Variants in ARHGAP32 observed in about 807,000 individuals in gnomAD.
ARHGAP32 encodes Rho GTPase activating protein 32.
In ARHGAP32, 51 loss-of-function variants were observed where a neutral mutation model predicts 186.5. That is an observed-to-expected ratio of 0.27 (90% CI 0.22 to 0.35). The LOEUF (loss-of-function observed/expected upper bound fraction) is 0.35. ARHGAP32 is among the 10% of genes least tolerant of loss of function. ARHGAP32 has a pLI of 1.00. For missense variants in ARHGAP32, 2,186 were observed against 2,623.5 expected, an observed-to-expected ratio of 0.83 and a Z score of 3.64; for synonymous variants, 950 against 964.3, an observed-to-expected ratio of 0.99 and a Z score of 0.27.
At chr11:129,258,382 G>A (rs936994741) in intron 1 of ARHGAP32, among the ~76,000 whole-genome samples, 10 of 152,126 alleles carry the variant, frequency 6.6e-5, no homozygotes, top group East Asian at 1.9e-4. Flanking sequence ...TGCAGACCCC[G>A]GTGTTCTGAT....
intron 10 of ARHGAP32, among the ~76,000 whole-genome samples, chr11:129,056,813 A>C (rs761304726): frequency 2.6e-5 from 4 of 152,176 alleles, no homozygotes; most frequent in Non-Finnish European, 5.9e-5. Context: ...GTGTTGCAGC[A>C]GCGCTCAAGA....
In ARHGAP32 at chr11:128,970,251, G is replaced by A. The variant is rs1249288621; in HGVS notation, c.4962C>T (p.Tyr1654=). 1 of 1,614,204 alleles carries A rather than the reference G, an allele frequency of 6.2e-7. No homozygotes were observed. The highest frequency in any genetic ancestry group is 1.7e-5 in the Admixed American group (1 of 60,028). Residue 1654 remains tyrosine (Y), a synonymous_variant, in exon 23 of 23, where the codon TAC becomes TAT. Coordinates refer to ENST00000682385, the MANE Select transcript of ARHGAP32 (RefSeq NM_001378024.1). This position sits in a 1 kb window ranked among gnomAD's most constrained non-coding sequence, Gnocchi z 5.8. The part of the protein sequence containing the change: ...SDYHVTQLQP[Y]FENGRVHYRY... ...TGTAGTGGACCCGGCCATTCTCAAA[G>A]TAAGGCTGAAGCTGAGTGACATGAT...
chr11:129,040,544 G>A lies in ARHGAP32; in HGVS notation c.1045+384C>T, dbSNP rs184708028. On this transcript the variant is annotated intron_variant, in intron 11 of 22. Transcript: ENST00000682385. ...AAATGCTGTTTAAAATAGTTTTGAT[G>A]TTCATATGCCCTGTTAAAATATACT... Among the ~76,000 whole-genome samples the A allele has an allele frequency of 1.1e-4, 16 of 152,234 alleles. No homozygotes were observed. In the East Asian group the frequency reaches 2.9e-3, roughly 28 times the overall value.
chr11:129,259,089 A>G (rs1254100902), intron 1 of ARHGAP32, among the ~76,000 whole-genome samples: 1 of 152,218 alleles, frequency 6.6e-6, no homozygotes, highest in African/African-American at 2.4e-5. Context: ...TACTGATGGG[A>G]AAAAGGAACC....
chr11:129,185,222 A>C (rs1944134281), intron 1 of ARHGAP32, among the ~76,000 whole-genome samples: 1 of 152,226 alleles, frequency 6.6e-6, no homozygotes, highest in African/African-American at 2.4e-5. Context: ...ACAATGATAT[A>C]CTGGATTAAG....
chr11:129,155,108 G>A (rs867705274), intron 2 of ARHGAP32, among the ~76,000 whole-genome samples: 2 of 152,258 alleles, frequency 1.3e-5, no homozygotes, highest in African/African-American at 4.8e-5. Flanking sequence ...ACACTCATTT[G>A]TTATGTATTA....
At chr11:129,062,433 C>A (rs1335093946) in intron 9 of ARHGAP32, 76 bp from the exon 10 acceptor site, 2 of 1,254,360 alleles carry the variant, frequency 1.6e-6, no homozygotes, top group African/African-American at 1.5e-5. Context: ...AATTTAAATC[C>A]GAACTGTATG....
In ARHGAP32 at chr11:128,973,142, G is replaced by A; in HGVS notation, c.3364C>T (p.His1122Tyr). 2 of 1,614,180 alleles carry A rather than the reference G, an allele frequency of 1.2e-6. No homozygotes were observed. Among genetic ancestry groups the A allele is most frequent in the Non-Finnish European group, 1.7e-6 (2 of 1,180,036 alleles). The change falls in exon 22 of 23, where the codon CAC becomes TAC. Residue 1122 changes from histidine to tyrosine, a missense_variant. Coordinates refer to ENST00000682385, the MANE Select transcript of ARHGAP32 (RefSeq NM_001378024.1). ...FQTDRPAEQF[H>Y]LQNNAPGNCD... ...TTTCCTGGTGCATTATTCTGGAGGTGGAACTGCTCTGCTGGTCGATCGGTT... is the reference window on the plus strand; with the variant it reads ...TTTCCTGGTGCATTATTCTGGAGGTAGAACTGCTCTGCTGGTCGATCGGTT...
chr11:129,247,354 G>T (rs1302664313), intron 1 of ARHGAP32, among the ~76,000 whole-genome samples: 1 of 152,132 alleles, frequency 6.6e-6, no homozygotes, highest in Non-Finnish European at 1.5e-5. Context: ...TCCTATGTCT[G>T]TCTTCTCATG....
At chr11:129,017,073 C>T (rs887259468) in intron 11 of ARHGAP32, among the ~76,000 whole-genome samples, 4 of 152,110 alleles carry the variant, frequency 2.6e-5, no homozygotes, top group African/African-American at 9.7e-5. Context: ...GGAGTCAGAC[C>T]TCTGGGGTTC....
At chr11:129,062,887 G>A (rs1940557918) in intron 9 of ARHGAP32, among the ~76,000 whole-genome samples, 1 of 132,234 alleles carries the variant, frequency 7.6e-6, no homozygotes, top group Non-Finnish European at 1.7e-5. Context: ...AAAATTTGAT[G>A]ACAACTACAC....
At chr11:129,023,001 TCCC>T (rs1224850542) in intron 11 of ARHGAP32, among the ~76,000 whole-genome samples, 1 of 152,126 alleles carries the variant, frequency 6.6e-6, no homozygotes, top group Non-Finnish European at 1.5e-5. Flanking sequence ...ATTCTGAAAT[TCCC>T]CCATTTATGG....
intron 12 of ARHGAP32, among the ~76,000 whole-genome samples, chr11:128,992,546 A>C (rs1946088134): frequency 6.6e-6 from 1 of 151,938 alleles, no homozygotes; most frequent in Non-Finnish European, 1.5e-5. Flanking sequence ...GGAGGCTGAG[A>C]CAGGTAGATC....
intron 2 of ARHGAP32, among the ~76,000 whole-genome samples, chr11:129,150,525 G>C (rs1434777188): frequency 6.6e-6 from 1 of 152,156 alleles, no homozygotes; most frequent in African/African-American, 2.4e-5. Context: ...TTTGTCAGAA[G>C]AAACCCTGTA....
At chr11:128,999,336 A>T (rs1360366276) in intron 11 of ARHGAP32, among the ~76,000 whole-genome samples, 2 of 152,220 alleles carry the variant, frequency 1.3e-5, no homozygotes, top group Non-Finnish European at 2.9e-5. Context: ...AATTTTAGTC[A>T]GACCGGTTCC....
intron 1 of ARHGAP32, among the ~76,000 whole-genome samples, chr11:129,278,687 TG>T (rs1023675626): frequency 6.6e-6 from 1 of 151,848 alleles, no homozygotes; most frequent in Non-Finnish European, 1.5e-5. Context: ...CAGAGACCTC[TG>T]GCCCCGCGGG....
chr11:129,127,071 T>C (rs1296906407), intron 2 of ARHGAP32, among the ~76,000 whole-genome samples: 1 of 152,208 alleles, frequency 6.6e-6, no homozygotes, highest in Non-Finnish European at 1.5e-5. Context: ...AGACTGGAAA[T>C]TGAAACGTTA....
intron 1 of ARHGAP32, among the ~76,000 whole-genome samples, chr11:129,214,321 AT>A (rs1944617960): frequency 6.6e-6 from 1 of 152,220 alleles, no homozygotes; most frequent in Non-Finnish European, 1.5e-5. Flanking sequence ...CTAATGTAAG[AT>A]GTTAACAGTA....
At chr11:128,988,757 T>C (rs1945951731) in intron 12 of ARHGAP32, among the ~76,000 whole-genome samples, 1 of 152,246 alleles carries the variant, frequency 6.6e-6, no homozygotes, top group African/African-American at 2.4e-5. Context: ...TGACTTTATA[T>C]TATCAGCTTG....
Sources: allele counts gnomAD v4.1 joint callset (sites outside exome capture counted in the v4.1 genomes callset), GRCh38; gene constraint gnomAD v4.1.1; non-coding constraint Gnocchi (gnomAD v3.1); transcripts MANE v1.5; gene names NCBI Gene and HGNC (gene_info 2026-07-23, HGNC 2026-07-21).